Variants in PTPRT observed in about 807,000 individuals in gnomAD.
The protein encoded by PTPRT is protein tyrosine phosphatase receptor type T, also known as receptor-type tyrosine-protein phosphatase T.
PTPRT carries 56 observed loss-of-function variants against 176.8 expected under a neutral mutation model. The observed-to-expected ratio is 0.32, with a 90% CI of 0.26 to 0.40. The LOEUF (loss-of-function observed/expected upper bound fraction) is 0.40, where lower values mean the gene tolerates loss of function less well. PTPRT is among the 10% of genes least tolerant of loss of function. PTPRT has a pLI of 1.00. For synonymous variants in PTPRT, 783 were observed against 739.0 expected (o/e 1.06, Z -0.96); for missense variants, 1,540 against 1,908.2 (o/e 0.81, Z 3.60).
intron 14 of PTPRT, 75 bp from the exon 15 acceptor site, chr20:42,236,333 T>G: frequency 8.0e-7 from 1 of 1,242,490 alleles, no homozygotes; most frequent in Non-Finnish European, 1.2e-6. Flanking sequence ...AAACAAGAAT[T>G]AGATTTTTAA....
intron 1 of PTPRT, among the ~76,000 whole-genome samples, chr20:43,141,352 C>T (rs2013996995): frequency 6.6e-6 from 1 of 152,186 alleles, no homozygotes; most frequent in Admixed American, 6.5e-5. Context: ...TCAGCAGCTG[C>T]TCAGCAAGGT....
chr20:42,919,616 G>A (rs1378204222), intron 1 of PTPRT, among the ~76,000 whole-genome samples: 1 of 152,196 alleles, frequency 6.6e-6, no homozygotes, highest in Non-Finnish European at 1.5e-5. Flanking sequence ...CCTGTGCCAA[G>A]TGTTTTGCAA....
chr20:42,375,407 G>A (rs1369374448), intron 9 of PTPRT, among the ~76,000 whole-genome samples: 4 of 152,150 alleles, frequency 2.6e-5, no homozygotes, highest in Non-Finnish European at 4.4e-5. Flanking sequence ...CTGGGGAAGT[G>A]ATTAAACCAG....
At chr20:42,604,443 T>G (rs2073837110) in intron 7 of PTPRT, among the ~76,000 whole-genome samples, 2 of 152,182 alleles carry the variant, frequency 1.3e-5, no homozygotes, top group South Asian at 4.1e-4. Flanking sequence ...TACTGTGAGT[T>G]AGGCTTTTGG....
intron 7 of PTPRT, among the ~76,000 whole-genome samples, chr20:42,609,800 C>T (rs944203514): frequency 6.6e-6 from 1 of 152,226 alleles, no homozygotes; most frequent in Non-Finnish European, 1.5e-5. Flanking sequence ...CCACTCCCCC[C>T]AGGGCGGGTC....
intron 6 of PTPRT, among the ~76,000 whole-genome samples, chr20:42,692,365 T>A (rs896326386): frequency 6.6e-6 from 1 of 152,244 alleles, no homozygotes; most frequent in African/African-American, 2.4e-5. Flanking sequence ...ATTAAGTTTA[T>A]GCTGGGACTA....
intron 7 of PTPRT, among the ~76,000 whole-genome samples, chr20:42,640,875 CG>C (rs569403496): frequency 6.6e-6 from 1 of 152,084 alleles, no homozygotes; most frequent in Non-Finnish European, 1.5e-5. Flanking sequence ...GATTGTTCCT[CG>C]GGCCCCACCA....
At chr20:42,546,894 A>G (rs952375598) in intron 7 of PTPRT, among the ~76,000 whole-genome samples, 1 of 152,166 alleles carries the variant, frequency 6.6e-6, no homozygotes, top group Non-Finnish European at 1.5e-5. Flanking sequence ...AACAATTACA[A>G]CATCAAAGAT....
intron 13 of PTPRT, among the ~76,000 whole-genome samples, chr20:42,271,122 C>T (rs2056926887): frequency 2.0e-5 from 3 of 152,172 alleles, no homozygotes; most frequent in Non-Finnish European, 4.4e-5. Context: ...AAACTTCAAA[C>T]CACCTCACTC....
chr20:42,225,408 A>G (rs1471733648), intron 15 of PTPRT, among the ~76,000 whole-genome samples: 2 of 152,168 alleles, frequency 1.3e-5, no homozygotes, highest in Non-Finnish European at 2.9e-5. Context: ...TTCCCATTTT[A>G]CAGATGAGAA....
At chr20:42,491,031 T>G (rs2071553470) in intron 7 of PTPRT, among the ~76,000 whole-genome samples, 1 of 152,218 alleles carries the variant, frequency 6.6e-6, no homozygotes, top group South Asian at 2.1e-4. Context: ...ATTGAAATAA[T>G]CATATGATTT....
chr20:42,384,106 T>C (rs182749754), intron 9 of PTPRT, among the ~76,000 whole-genome samples: 1 of 152,332 alleles, frequency 6.6e-6, no homozygotes, highest in African/African-American at 2.4e-5. Context: ...TTCCTGTCAC[T>C]GTGGGGCTTC....
intron 9 of PTPRT, among the ~76,000 whole-genome samples, chr20:42,375,494 G>A (rs1343965972): frequency 6.6e-6 from 1 of 152,146 alleles, no homozygotes; most frequent in Non-Finnish European, 1.5e-5. Context: ...TGCCATATGA[G>A]GACATGGCAT....
intron 7 of PTPRT, among the ~76,000 whole-genome samples, chr20:42,540,209 A>C (rs573165650): frequency 1.3e-5 from 2 of 152,310 alleles, no homozygotes; most frequent in African/African-American, 2.4e-5. Flanking sequence ...AGCTTTCTCA[A>C]AAGTCACACT....
At chr20:42,889,757 TAGA>T (rs774150430) in intron 1 of PTPRT, among the ~76,000 whole-genome samples, 5 of 151,928 alleles carry the variant, frequency 3.3e-5, no homozygotes, top group Non-Finnish European at 7.4e-5. Flanking sequence ...AGGTTAAACA[TAGA>T]AGGAGGAAAT....
At chr20:42,496,418 C>T (rs972457147) in intron 7 of PTPRT, among the ~76,000 whole-genome samples, 1 of 152,154 alleles carries the variant, frequency 6.6e-6, no homozygotes, top group Non-Finnish European at 1.5e-5. Flanking sequence ...TAAAAGAAGT[C>T]AAAAGTGGTC....
chr20:43,149,177 A>T (rs1443911763), intron 1 of PTPRT, among the ~76,000 whole-genome samples: 1 of 152,232 alleles, frequency 6.6e-6, no homozygotes, highest in Non-Finnish European at 1.5e-5. Context: ...CTTTCTACCC[A>T]AGATCCCTTT....
At chr20:42,833,875 T>A (rs568654223) in intron 2 of PTPRT, among the ~76,000 whole-genome samples, 2 of 152,162 alleles carry the variant, frequency 1.3e-5, no homozygotes, top group Non-Finnish European at 2.9e-5. Flanking sequence ...AAAAGTTTAC[T>A]CAAAATGGAA....
At chr20:42,662,602 T>C (rs2075243351) in intron 7 of PTPRT, among the ~76,000 whole-genome samples, 1 of 152,140 alleles carries the variant, frequency 6.6e-6, no homozygotes, top group African/African-American at 2.4e-5. Context: ...AGCATTATAC[T>C]AATTAACAGA....
Sources: allele counts gnomAD v4.1 joint callset (sites outside exome capture counted in the v4.1 genomes callset), GRCh38; gene constraint gnomAD v4.1.1; transcripts MANE v1.5; gene names NCBI Gene and HGNC (gene_info 2026-07-23, HGNC 2026-07-21).